The following ACADSB variants were observed in gnomAD, a reference collection of about 807,000 sequenced individuals.
ACADSB encodes short/branched chain specific acyl-CoA dehydrogenase, mitochondrial.
Under a neutral mutation model 54.1 loss-of-function variants are expected in ACADSB, and 40 were observed. That is an observed-to-expected ratio of 0.74 (90% CI 0.57 to 0.96). The LOEUF is 0.96. Among genes scored for constraint, ACADSB ranks in the 40% least tolerant of loss-of-function variants. The probability of loss-of-function intolerance (pLI) is 0.00; values close to 1 mark genes in which losing one functional copy is unlikely to be tolerated. For missense variants in ACADSB, 530 were observed against 510.4 expected, an observed-to-expected ratio of 1.04 and a Z score of -0.37; for synonymous variants, 182 against 182.8, an observed-to-expected ratio of 1.00 and a Z score of 0.03.
chr10:123,023,560 G>T (rs548952782), intron 1 of ACADSB, among the ~76,000 whole-genome samples: 2 of 152,248 alleles, frequency 1.3e-5, no homozygotes, highest in East Asian at 3.9e-4. Flanking sequence ...AGGCTCACCA[G>T]TTTTACTTTG....
intron 1 of ACADSB, among the ~76,000 whole-genome samples, chr10:123,011,077 A>G (rs1249490241): frequency 6.6e-6 from 1 of 152,148 alleles, no homozygotes; most frequent in Non-Finnish European, 1.5e-5. Flanking sequence ...ATTGAAGGTC[A>G]AGAGCTTTGG....
At chr10:123,029,538 A>T (rs1321599053) in intron 1 of ACADSB, among the ~76,000 whole-genome samples, 1 of 152,194 alleles carries the variant, frequency 6.6e-6, no homozygotes, top group Non-Finnish European at 1.5e-5. Flanking sequence ...TAAAGTGTAC[A>T]TAAATGCTGT....
At chr10:123,028,279 T>C (rs935282812) in intron 1 of ACADSB, among the ~76,000 whole-genome samples, 1 of 152,218 alleles carries the variant, frequency 6.6e-6, no homozygotes, top group Non-Finnish European at 1.5e-5. Context: ...TATTCAGCAG[T>C]TAGGATCTTA....
chr10:123,055,095 G>T lies in ACADSB; in HGVS notation c.*1330G>T. 1.3e-5 allele frequency: 2 copies of T among 152,900 alleles called. No individual in the cohort carries two copies. The highest frequency in any genetic ancestry group is 2.9e-5 in the Non-Finnish European group (2 of 68,516). 9.5% of individuals were successfully genotyped at this position (152,900 alleles called of 1,614,324 possible). On this transcript the variant is annotated 3_prime_UTR_variant, in exon 11 of 11. Coordinates refer to ENST00000358776, the MANE Select transcript of ACADSB (RefSeq NM_001609.4). The stretch of plus-strand genomic sequence containing the variant: ...ATGAATCTATTGTTTTGCAATATAG[G>T]TTATAAACAGGCAAAATGCAATAAA...
chr10:123,025,711 G>A (rs1008544413), intron 1 of ACADSB, among the ~76,000 whole-genome samples: 1 of 152,098 alleles, frequency 6.6e-6, no homozygotes, highest in African/African-American at 2.4e-5. Flanking sequence ...AAATACAAAT[G>A]GTTTGTAGAC....
At chr10:123,009,214 G>C in intron 1 of ACADSB, 143 bp downstream of exon 1, 3 of 980,294 alleles carry the variant, frequency 3.1e-6, no homozygotes, top group Non-Finnish European at 4.5e-6. Flanking sequence ...CTTTACCCGC[G>C]GGCAGTCTAT....
chr10:123,028,883 A>G (rs1239893417), intron 1 of ACADSB, among the ~76,000 whole-genome samples: 7 of 151,882 alleles, frequency 4.6e-5, no homozygotes. Context: ...AAACAGAAAG[A>G]AAAAACTATG....
At position 123,056,028 on chromosome 10, in the gene ACADSB, G is replaced by A. The variant is rs763710191; in HGVS notation, c.*2263G>A. The A allele has an allele frequency of 6.6e-6, 1 of 152,520 alleles. No homozygotes were observed. Among genetic ancestry groups the A allele is most frequent in the African/African-American group, 2.4e-5 (1 of 41,444 alleles). The allele number at this position is 152,520 out of a possible 1,614,324, so 9.4% of individuals were successfully genotyped here. ...CATTTTGGGCAAAGCCATTCAGCAA[G>A]TATCTAGGAAGTTCCAAACTTTCCC... On this transcript the variant is annotated 3_prime_UTR_variant, in exon 11 of 11. Transcript: ENST00000358776.
chr10:123,028,517 T>G (rs1219846230), intron 1 of ACADSB, among the ~76,000 whole-genome samples: 1 of 151,488 alleles, frequency 6.6e-6, no homozygotes, highest in South Asian at 2.1e-4. Flanking sequence ...TAAAAAATTA[T>G]CTGGGTGTGG....
chr10:123,010,511 G>T (rs1271100889), intron 1 of ACADSB, among the ~76,000 whole-genome samples: 1 of 152,212 alleles, frequency 6.6e-6, no homozygotes, highest in African/African-American at 2.4e-5. Flanking sequence ...GGTTAAGAAC[G>T]TAGGTTCTGT....
rs1384605508 is a variant in ACADSB, at chr10:123,057,290, T to C, written c.*3525T>C. ...ATCAAGTTCTAATTTGTATGTATATTTTGTGCATATTCACCAATAACAGTT... is the reference window on the plus strand; with the variant it reads ...ATCAAGTTCTAATTTGTATGTATATCTTGTGCATATTCACCAATAACAGTT... On this transcript the variant is annotated 3_prime_UTR_variant, in exon 11 of 11. Transcript: ENST00000358776. 2 of 152,256 alleles carry C rather than the reference T, an allele frequency of 1.3e-5. No individual in the cohort carries two copies. The highest frequency in any genetic ancestry group is 2.9e-5 in the Non-Finnish European group (2 of 68,046). 9.4% of individuals were successfully genotyped at this position (152,256 alleles called of 1,614,324 possible). A position where few individuals can be genotyped will look rare whatever the true frequency, so the allele number is the denominator to read the frequency against.
At chr10:123,009,444 G>C (rs2280707) in intron 1 of ACADSB, among the ~76,000 whole-genome samples, 88,713 of 151,944 alleles carry the variant, frequency 0.58, 27,162 homozygotes, top group Non-Finnish European at 0.69. Flanking sequence ...ATGCCCTAAC[G>C]CACCTTTCCC....
At chr10:123,027,319 G>C (rs1850267914) in intron 1 of ACADSB, among the ~76,000 whole-genome samples, 1 of 152,188 alleles carries the variant, frequency 6.6e-6, no homozygotes, top group Non-Finnish European at 1.5e-5. Context: ...CAGCTATGCA[G>C]CTGATATGAT....
chr10:123,034,584 T>C, intron 2 of ACADSB, 69 bp downstream of exon 2: 2 of 1,534,304 alleles, frequency 1.3e-6, no homozygotes, highest in East Asian at 2.3e-5. Flanking sequence ...GGTGCAATCA[T>C]GGCTCACTGC....
chr10:123,009,717 C>T (rs956823254), intron 1 of ACADSB, among the ~76,000 whole-genome samples: 1 of 152,200 alleles, frequency 6.6e-6, no homozygotes, highest in Non-Finnish European at 1.5e-5. Context: ...CTTCCATGAA[C>T]TTAAGCTGAA....
chr10:123,030,466 G>A (rs1290963063), intron 1 of ACADSB, among the ~76,000 whole-genome samples: 2 of 149,398 alleles, frequency 1.3e-5, no homozygotes, highest in East Asian at 2.0e-4. Flanking sequence ...GGCTGAGGTA[G>A]CAGTGAACTG....
At position 123,047,138 on chromosome 10, in the gene ACADSB, G is replaced by A. The variant is rs536963333; in HGVS notation, c.901-71G>A. The A allele has an allele frequency of 3.3e-3, 4,075 of 1,233,198 alleles. 26 individuals are homozygous for A. Among genetic ancestry groups the A allele is most frequent in the Non-Finnish European group, 3.4e-3 (2,922 of 851,652 alleles). 76.4% of individuals were successfully genotyped at this position (1,233,198 alleles called of 1,614,324 possible). On this transcript the variant is annotated intron_variant, in intron 7 of 10. Transcript: ENST00000358776. Reference sequence around the variant, plus strand: ...CAATCATTCAATTTATGTTTAGAGGGAATTCACAACTTGGATAATTAAACT... The same window carrying A: ...CAATCATTCAATTTATGTTTAGAGGAAATTCACAACTTGGATAATTAAACT...
chr10:123,034,627 C>T, intron 2 of ACADSB, 112 bp downstream of exon 2: 1 of 1,189,178 alleles, frequency 8.4e-7, no homozygotes, highest in Non-Finnish European at 1.2e-6. Flanking sequence ...TATCCTGCTT[C>T]AGCCTCCTGA....
chr10:123,009,121 C>G (rs761504522), intron 1 of ACADSB, 50 bp downstream of exon 1: 1 of 1,531,860 alleles, frequency 6.5e-7, no homozygotes, highest in South Asian at 1.2e-5. Context: ...GACCTTGGCC[C>G]CTGGAATCGC....
Sources: gnomAD v4.1 joint callset for allele counts (sites outside exome capture counted in the v4.1 genomes callset) on GRCh38, gnomAD v4.1.1 for gene constraint, MANE v1.5 for transcripts, NCBI Gene and HGNC (gene_info 2026-07-23, HGNC 2026-07-21) for gene names.